The following EXTL3 variants were observed in gnomAD, a reference collection of about 807,000 sequenced individuals.
EXTL3 encodes the protein exostosin-like 3.
EXTL3 carries 27 observed loss-of-function variants against 69.3 expected under a neutral mutation model. That is an observed-to-expected ratio of 0.39 (90% CI 0.29 to 0.54). The LOEUF (loss-of-function observed/expected upper bound fraction) is 0.54. Among genes scored for constraint, EXTL3 ranks in the 20% least tolerant of loss-of-function variants. The probability of loss-of-function intolerance (pLI) is 0.69; values close to 1 mark genes in which losing one functional copy is unlikely to be tolerated. For missense variants in EXTL3, 1,003 were observed against 1,231.8 expected (o/e 0.81, Z 2.78); for synonymous variants, 511 against 499.4 (o/e 1.02, Z -0.31).
intron 1 of EXTL3, among the ~76,000 whole-genome samples, chr8:28,659,529 T>C (rs1807072800): frequency 6.6e-6 from 1 of 152,174 alleles, no homozygotes; most frequent in African/African-American, 2.4e-5. Context: ...CAGGTAGTTA[T>C]GGGAGGAATC....
At chr8:28,661,343 T>A (rs1403814697) in intron 1 of EXTL3, among the ~76,000 whole-genome samples, 1 of 148,700 alleles carries the variant, frequency 6.7e-6, no homozygotes, top group African/African-American at 2.5e-5. Context: ...GCTTTATGTT[T>A]TATATATATA....
At chr8:28,735,707 G>C (rs1039167437) in intron 4 of EXTL3, among the ~76,000 whole-genome samples, 1 of 152,062 alleles carries the variant, frequency 6.6e-6, no homozygotes. Flanking sequence ...CAAAGGAAAG[G>C]GTAAGTCTAA....
In EXTL3 at chr8:28,680,735, C is replaced by T. The variant is rs114181858; in HGVS notation, c.-52-32722C>T. On this transcript the variant is annotated intron_variant, in intron 1 of 6. Coordinates refer to the EXTL3 transcript ENST00000523149. ...CTCCCCATACCCCCAGTCCTCACAA[C>T]CACCATTCTATTCTCTACTTTTATG... 3.1e-3 allele frequency among the ~76,000 whole-genome samples: 468 copies of T among 152,310 alleles called. 3 individuals carry two copies. The highest frequency in any genetic ancestry group is 0.011 in the African/African-American group (453 of 41,574).
intron 1 of EXTL3, among the ~76,000 whole-genome samples, chr8:28,682,047 G>A (rs10102052): frequency 0.013 from 2,020 of 152,214 alleles, 37 homozygotes; most frequent in African/African-American, 0.046. Context: ...CAACAAGAGC[G>A]AAACTCCGTC....
intron 1 of EXTL3, among the ~76,000 whole-genome samples, chr8:28,703,421 C>CAG (rs60629272): frequency 0.32 from 49,179 of 151,750 alleles, 8,240 homozygotes; most frequent in African/African-American, 0.42. Context: ...AGAAGTAAGT[C>CAG]GGGCCAGGCC....
In EXTL3 at chr8:28,634,687, C is replaced by T. The variant is rs562024522; in HGVS notation, c.-53+11877C>T. ...CTCAGCTCATTGCAACCTCCACCCCCGGGTTCAAGTGATTATCCTGCCTCA... is the reference window on the plus strand; with the variant it reads ...CTCAGCTCATTGCAACCTCCACCCCTGGGTTCAAGTGATTATCCTGCCTCA... On this transcript the variant is annotated intron_variant, in intron 1 of 6. Transcript: ENST00000523149. 3.3e-5 allele frequency among the ~76,000 whole-genome samples: 5 copies of T among 152,032 alleles called. No homozygotes were observed. The East Asian group carries it at 5.8e-4, about 18-fold the overall frequency.
rs1801979439 is a variant in EXTL3 at position 28,750,442 on chromosome 8, G to A, written c.2551-215G>A. On this transcript the variant is annotated intron_variant, in intron 6 of 6. Coordinates refer to ENST00000220562, the MANE Select transcript of EXTL3 (RefSeq NM_001440.4). The surrounding 1 kb of genome is among the most constrained non-coding windows in gnomAD (Gnocchi z 5.2). Reference sequence around the variant, plus strand: ...GGCTTTTGGCATCTGAGAAGCGTAGGCCATCTCAACAGAATACCTGACAAT... The same window carrying A: ...GGCTTTTGGCATCTGAGAAGCGTAGACCATCTCAACAGAATACCTGACAAT... Among the ~76,000 whole-genome samples, 1 of 152,230 alleles carries A rather than the reference G, an allele frequency of 6.6e-6. No homozygotes were observed. The highest frequency in any genetic ancestry group is 2.4e-5 in the African/African-American group (1 of 41,464).
At chr8:28,742,818 A>G in intron 5 of EXTL3, 1 of 434,368 alleles carries the variant, frequency 2.3e-6, no homozygotes, top group South Asian at 2.2e-5. Context: ...CTTTGTATTG[A>G]TTTCAAAATC....
At chr8:28,659,547 G>A (rs1173886554) in intron 1 of EXTL3, among the ~76,000 whole-genome samples, 1 of 152,136 alleles carries the variant, frequency 6.6e-6, no homozygotes, top group Non-Finnish European at 1.5e-5. Flanking sequence ...ATCCTGAGAG[G>A]AGAGCCCTTG....
intron 1 of EXTL3, among the ~76,000 whole-genome samples, chr8:28,689,736 T>C (rs1234600481): frequency 6.6e-6 from 1 of 152,226 alleles, no homozygotes; most frequent in African/African-American, 2.4e-5. Flanking sequence ...CAGCTGGGGT[T>C]AGGGATTCTG....
In EXTL3 at chr8:28,737,618, C is replaced by T. The variant is rs7819432; in HGVS notation, c.2376C>T (p.Ser792=). 5 of 1,614,036 alleles carry T rather than the reference C, an allele frequency of 3.1e-6. No individual in the cohort carries two copies. Among genetic ancestry groups the T allele is most frequent in the Non-Finnish European group, 4.2e-6 (5 of 1,179,982 alleles). The change falls in exon 5 of 7, where the codon TCC becomes TCT. Residue 792 remains serine (S), a synonymous_variant. Transcript: ENST00000220562. ...CCTGGCTCTACAACTCCAACTACTC[C>T]TGTGAGCTGTCCATGGTGCTGACAG... ...HQSWLYNSNY[S]CELSMVLTGA...
intron 1 of EXTL3, among the ~76,000 whole-genome samples, chr8:28,712,538 C>T (rs1358695895): frequency 6.6e-6 from 1 of 152,170 alleles, no homozygotes; most frequent in Non-Finnish European, 1.5e-5. Context: ...TGAAGGGCTC[C>T]TTATCATTGT....
At chr8:28,660,938 G>A (rs1490405067) in intron 1 of EXTL3, among the ~76,000 whole-genome samples, 1 of 130,692 alleles carries the variant, frequency 7.7e-6, no homozygotes, top group Non-Finnish European at 1.6e-5. Context: ...TTTTGAGACA[G>A]AGTCTTGCTC....
Position 28,683,237 on chromosome 8 carries a change from T to C in EXTL3, c.-52-30220T>C, listed in dbSNP as rs189169255. 2.1e-4 allele frequency among the ~76,000 whole-genome samples: 32 copies of C among 152,300 alleles called. No homozygotes were observed. In the East Asian group the frequency reaches 5.6e-3, roughly 27 times the overall value. The stretch of plus-strand genomic sequence containing the variant: ...GATTGTTTTGGCTATTCAGGGTCTT[T>C]TGTGTTTTCATATGGACTTTAGGAT... On this transcript the variant is annotated intron_variant, in intron 1 of 6. Transcript: ENST00000523149.
intron 1 of EXTL3, among the ~76,000 whole-genome samples, chr8:28,687,472 G>GA (rs1469216528): frequency 6.6e-6 from 1 of 151,786 alleles, no homozygotes; most frequent in Non-Finnish European, 1.5e-5. Flanking sequence ...TCTCAAAAAG[G>GA]AAAAAAAGAA....
intron 1 of EXTL3, among the ~76,000 whole-genome samples, chr8:28,656,885 C>T (rs1807019604): frequency 6.6e-6 from 1 of 150,870 alleles, no homozygotes; most frequent in Admixed American, 6.6e-5. Flanking sequence ...TATGGTTGGT[C>T]TTTCTTTCTT....
chr8:28,674,535 G>T (rs969596991), intron 1 of EXTL3, among the ~76,000 whole-genome samples: 5 of 152,210 alleles, frequency 3.3e-5, no homozygotes, highest in African/African-American at 1.2e-4. Context: ...TGCCCTGAGG[G>T]AGACCTTTAT....
chr8:28,656,347 T>A (rs1807011752), intron 1 of EXTL3, among the ~76,000 whole-genome samples: 1 of 152,080 alleles, frequency 6.6e-6, no homozygotes, highest in African/African-American at 2.4e-5. Flanking sequence ...ATTTTTGTAT[T>A]TTTAGGATTT....
Position 28,750,626 on chromosome 8 carries a change from T to C in EXTL3, c.2551-31T>C. The C allele has an allele frequency of 6.3e-7, 1 of 1,575,898 alleles. No homozygotes were observed. Among genetic ancestry groups the C allele is most frequent in the Non-Finnish European group, 8.7e-7 (1 of 1,145,550 alleles). On this transcript the variant is annotated intron_variant, in intron 6 of 6. Coordinates refer to ENST00000220562, the MANE Select transcript of EXTL3 (RefSeq NM_001440.4). This position sits in a 1 kb window ranked among gnomAD's most constrained non-coding sequence, Gnocchi z 5.2. ...AGGGTTCTGTCAGTATTAGCTGGGA[T>C]TCCCACTCTGTCTCTCTCTCCCGTT...
Sources: allele counts gnomAD v4.1 joint callset (sites outside exome capture counted in the v4.1 genomes callset), GRCh38; gene constraint gnomAD v4.1.1; non-coding constraint Gnocchi (gnomAD v3.1); transcripts MANE v1.5; gene names NCBI Gene and HGNC (gene_info 2026-07-23, HGNC 2026-07-21).